Variants in UBE3C observed in about 807,000 individuals in gnomAD.
The protein encoded by UBE3C is ubiquitin-protein ligase E3C.
Under a neutral mutation model 129.4 loss-of-function variants are expected in UBE3C, and 42 were observed. The observed-to-expected ratio is 0.32, with a 90% CI of 0.25 to 0.42. UBE3C has a LOEUF of 0.42. Among genes scored for constraint, UBE3C ranks in the 10% least tolerant of loss-of-function variants. The pLI, the probability that UBE3C is intolerant of heterozygous loss-of-function variation, is 1.00. For missense variants in UBE3C, 1,049 were observed against 1,319.1 expected (o/e 0.80, Z 3.17); for synonymous variants, 510 against 492.4 (o/e 1.04, Z -0.47).
Position 157,162,163 on chromosome 7 carries a change from T to C in UBE3C, c.67-1647T>C, listed in dbSNP as rs370716614. On this transcript the variant is annotated intron_variant, in intron 1 of 22. Coordinates refer to ENST00000348165, the MANE Select transcript of UBE3C (RefSeq NM_014671.3). ...AGTTGGCTTAACTACTCTCTGACACTGTTCTGATAAAGTATATCTCTTAAG... is the reference window on the plus strand; with the variant it reads ...AGTTGGCTTAACTACTCTCTGACACCGTTCTGATAAAGTATATCTCTTAAG... Among the ~76,000 whole-genome samples the C allele has an allele frequency of 8.5e-5, 13 of 152,276 alleles. No individual in the cohort carries two copies. The East Asian group carries it at 2.3e-3, about 27-fold the overall frequency.
rs571157459 is a variant in UBE3C at position 157,259,133 on chromosome 7, C to G, written c.3081+2089C>G. 1.3e-3 allele frequency among the ~76,000 whole-genome samples: 198 copies of G among 152,342 alleles called. 1 individual carries two copies. The highest frequency in any genetic ancestry group is 4.4e-3 in the African/African-American group (182 of 41,584). On this transcript the variant is annotated intron_variant, in intron 22 of 22. Transcript: ENST00000348165. The stretch of plus-strand genomic sequence containing the variant: ...GTCCTGGGACCAGCAGCTGCAGCAT[C>G]ACTTGAGCACATGTTAAAAATGAAC...
chr7:157,176,994 A>C (rs966621545), intron 5 of UBE3C, among the ~76,000 whole-genome samples: 1 of 152,222 alleles, frequency 6.6e-6, no homozygotes, highest in African/African-American at 2.4e-5. Flanking sequence ...AACCACCTGC[A>C]GCTCCTTTTA....
chr7:157,176,623 T>C (rs1808526250), intron 5 of UBE3C, among the ~76,000 whole-genome samples: 1 of 152,228 alleles, frequency 6.6e-6, no homozygotes, highest in Admixed American at 6.5e-5. Flanking sequence ...TCATCTTTCC[T>C]CTTTAATCTC....
chr7:157,255,373 A>C (rs1442154779), intron 21 of UBE3C, among the ~76,000 whole-genome samples: 1 of 152,242 alleles, frequency 6.6e-6, no homozygotes, highest in African/African-American at 2.4e-5. Flanking sequence ...TGATGGTTGC[A>C]AAACTCTAAA....
intron 18 of UBE3C, among the ~76,000 whole-genome samples, chr7:157,246,293 GGA>G (rs1796475208): frequency 6.6e-6 from 1 of 152,174 alleles, no homozygotes; most frequent in African/African-American, 2.4e-5. Context: ...ACTAAGCAAA[GGA>G]CTCACTCCCC....
intron 13 of UBE3C, among the ~76,000 whole-genome samples, chr7:157,214,245 C>A (rs1457187601): frequency 2.6e-5 from 4 of 152,140 alleles, no homozygotes; most frequent in South Asian, 4.2e-4. Flanking sequence ...ATTTTTTTAA[C>A]ATTTAATTGT....
intron 1 of UBE3C, among the ~76,000 whole-genome samples, chr7:157,141,061 TTGG>T (rs1307612151): frequency 2.0e-5 from 3 of 152,014 alleles, no homozygotes; most frequent in African/African-American, 7.2e-5. Flanking sequence ...GGCAGAGGGG[TTGG>T]TGGCTGCAGG....
At chr7:157,162,542 C>CT (rs201356346) in intron 1 of UBE3C, among the ~76,000 whole-genome samples, 24,279 of 140,038 alleles carry the variant, frequency 0.17, 2,239 homozygotes, top group East Asian at 0.35. Context: ...CAATCTTGAA[C>CT]TTTTTTTTTT....
At chr7:157,145,267 C>T (rs1173804363) in intron 1 of UBE3C, among the ~76,000 whole-genome samples, 4 of 151,488 alleles carry the variant, frequency 2.6e-5, no homozygotes, top group South Asian at 2.1e-4. Flanking sequence ...GGAGGAGGCC[C>T]GGCACTTTGG....
At chr7:157,157,842 A>C (rs1807954231) in intron 1 of UBE3C, among the ~76,000 whole-genome samples, 1 of 152,034 alleles carries the variant, frequency 6.6e-6, no homozygotes, top group Non-Finnish European at 1.5e-5. Context: ...TTAGCCAGGC[A>C]TGGTGGTGGA....
intron 18 of UBE3C, among the ~76,000 whole-genome samples, chr7:157,242,414 A>C (rs1370280501): frequency 1.3e-5 from 2 of 151,662 alleles, no homozygotes; most frequent in African/African-American, 2.4e-5. Flanking sequence ...TTATTCTCCT[A>C]TATGGCAAAA....
chr7:157,224,746 C>G (rs28654361), intron 16 of UBE3C, among the ~76,000 whole-genome samples: 15,472 of 151,338 alleles, frequency 0.1, 897 homozygotes, highest in African/African-American at 0.14. Context: ...CTGTTCATGT[C>G]CCTTTACTAA....
At chr7:157,190,845 A>G (rs922048659) in intron 10 of UBE3C, among the ~76,000 whole-genome samples, 3 of 152,220 alleles carry the variant, frequency 2.0e-5, no homozygotes, top group Non-Finnish European at 4.4e-5. Flanking sequence ...AAATGAGGCA[A>G]AAAGGCATAT....
intron 13 of UBE3C, among the ~76,000 whole-genome samples, chr7:157,216,365 T>TA (rs397972109): frequency 1.3e-5 from 2 of 151,642 alleles, no homozygotes; most frequent in African/African-American, 4.9e-5. Flanking sequence ...TTTTTTTTTT[T>TA]AATATTTTAG....
chr7:157,148,097 GT>G (rs1223112573), intron 1 of UBE3C, among the ~76,000 whole-genome samples: 2 of 148,984 alleles, frequency 1.3e-5, no homozygotes, highest in Non-Finnish European at 3.0e-5. Flanking sequence ...TAGTTTTTTT[GT>G]TTTATTTTGT....
At chr7:157,191,198 T>C (rs1158864004) in intron 10 of UBE3C, among the ~76,000 whole-genome samples, 1 of 152,254 alleles carries the variant, frequency 6.6e-6, no homozygotes, top group Non-Finnish European at 1.5e-5. Flanking sequence ...CATTGTGATT[T>C]AGATAAACAG....
intron 22 of UBE3C, among the ~76,000 whole-genome samples, chr7:157,264,967 G>A (rs564358516): frequency 6.6e-6 from 1 of 152,274 alleles, no homozygotes; most frequent in Middle Eastern, 3.4e-3. Context: ...TTTTCCTCAT[G>A]TTATTCTTTG....
At chr7:157,208,392 TAAG>T (rs1809499630) in intron 13 of UBE3C, among the ~76,000 whole-genome samples, 2 of 152,182 alleles carry the variant, frequency 1.3e-5, no homozygotes, top group South Asian at 4.1e-4. Flanking sequence ...CCTTTTTAAT[TAAG>T]AAAAGTAATT....
At position 157,248,225 on chromosome 7, in the gene UBE3C, A is replaced by G; in HGVS notation, c.2482-143A>G. The G allele has an allele frequency of 2.6e-5, 19 of 728,890 alleles. 1 individual carries two copies. In the South Asian group the frequency reaches 3.6e-4, roughly 14 times the overall value. The allele number at this position is 728,890 out of a possible 1,614,324, so 45.2% of individuals were successfully genotyped here. On this transcript the variant is annotated intron_variant, in intron 18 of 22. Coordinates refer to ENST00000348165, the MANE Select transcript of UBE3C (RefSeq NM_014671.3). Reference sequence around the variant, plus strand: ...CTGGAGCACAGTACCTGCCCACTGAATATCAGCTTCCATCTTCGGTACTAT... The same window carrying G: ...CTGGAGCACAGTACCTGCCCACTGAGTATCAGCTTCCATCTTCGGTACTAT...
Sources: gnomAD v4.1 joint callset for allele counts (sites outside exome capture counted in the v4.1 genomes callset) on GRCh38, gnomAD v4.1.1 for gene constraint, MANE v1.5 for transcripts, NCBI Gene and HGNC (gene_info 2026-07-23, HGNC 2026-07-21) for gene names.